ASIC2: variants seen among roughly 807,000 people sequenced by gnomAD.
ASIC2 encodes the protein acid sensing ion channel subunit 2.
In ASIC2, 25 loss-of-function variants were observed where a neutral mutation model predicts 57.3. The ratio of observed to expected loss-of-function variants is 0.44; its 90% CI spans 0.32 to 0.61. ASIC2 has a LOEUF of 0.61. Among genes scored for constraint, ASIC2 ranks in the 20% least tolerant of loss-of-function variants. ASIC2 has a pLI of 0.06. For missense variants in ASIC2, 641 were observed against 738.1 expected (o/e 0.87, Z 1.52); for synonymous variants, 319 against 307.5 (o/e 1.04, Z -0.39).
intron 1 of ASIC2, among the ~76,000 whole-genome samples, chr17:33,895,222 G>A (rs1467629223): frequency 2.0e-5 from 3 of 151,772 alleles, no homozygotes; most frequent in Non-Finnish European, 4.4e-5. Context: ...GGGTGCAGAG[G>A]CACAATCTTG....
intron 1 of ASIC2, among the ~76,000 whole-genome samples, chr17:34,133,768 G>A (rs775226048): frequency 1.1e-4 from 17 of 152,208 alleles, no homozygotes; most frequent in Non-Finnish European, 2.5e-4. Context: ...AAGTGACATA[G>A]GGGTTTTACA....
chr17:33,298,339 C>T (rs1905808488), intron 1 of ASIC2, among the ~76,000 whole-genome samples: 1 of 152,080 alleles, frequency 6.6e-6, no homozygotes, highest in African/African-American at 2.4e-5. Context: ...TGAGTGAGAA[C>T]ATGCGGTGTT....
intron 1 of ASIC2, among the ~76,000 whole-genome samples, chr17:33,878,623 A>G (rs1567743542): frequency 6.6e-6 from 1 of 152,230 alleles, no homozygotes; most frequent in Non-Finnish European, 1.5e-5. Flanking sequence ...GACCAAATCT[A>G]TGTCTGACTG....
At chr17:33,847,131 C>G (rs1053299702) in intron 1 of ASIC2, among the ~76,000 whole-genome samples, 2 of 151,408 alleles carry the variant, frequency 1.3e-5, no homozygotes, top group African/African-American at 2.4e-5. Flanking sequence ...TGCATCTTCT[C>G]TGGAAAACAG....
chr17:33,808,305 G>A (rs1239571669), intron 1 of ASIC2, among the ~76,000 whole-genome samples: 1 of 152,144 alleles, frequency 6.6e-6, no homozygotes, highest in Non-Finnish European at 1.5e-5. Flanking sequence ...TTATATTACT[G>A]TTGCTCCTTT....
chr17:33,751,277 G>T (rs898407094), intron 1 of ASIC2, among the ~76,000 whole-genome samples: 3 of 152,164 alleles, frequency 2.0e-5, no homozygotes, highest in Non-Finnish European at 4.4e-5. Flanking sequence ...ATCTGCAGCC[G>T]CCCTGACACG....
At chr17:33,680,342 G>A (rs1434789129) in intron 1 of ASIC2, among the ~76,000 whole-genome samples, 1 of 152,156 alleles carries the variant, frequency 6.6e-6, no homozygotes, top group African/African-American at 2.4e-5. Context: ...CAGTGAGGGA[G>A]TGTTGACACC....
intron 1 of ASIC2, among the ~76,000 whole-genome samples, chr17:33,509,861 A>G (rs1275600282): frequency 6.6e-6 from 1 of 152,228 alleles, no homozygotes; most frequent in Non-Finnish European, 1.5e-5. Flanking sequence ...GTTCTGCCCT[A>G]GCCTTGCCAT....
At chr17:33,841,614 C>A (rs574523500) in intron 1 of ASIC2, among the ~76,000 whole-genome samples, 1 of 152,192 alleles carries the variant, frequency 6.6e-6, no homozygotes, top group African/African-American at 2.4e-5. Flanking sequence ...AACATACTGT[C>A]CCTTTGGAAG....
intron 1 of ASIC2, among the ~76,000 whole-genome samples, chr17:34,100,816 A>C (rs1379926080): frequency 6.6e-6 from 1 of 151,914 alleles, no homozygotes; most frequent in African/African-American, 2.4e-5. Flanking sequence ...AACCAGAGCT[A>C]CTCCCCACTT....
chr17:33,285,688 T>G (rs1905129711), intron 1 of ASIC2, among the ~76,000 whole-genome samples: 1 of 152,258 alleles, frequency 6.6e-6, no homozygotes. Flanking sequence ...CATGTACCTT[T>G]GCAGTCAGGA....
intron 1 of ASIC2, among the ~76,000 whole-genome samples, chr17:33,216,087 C>T (rs1907474706): frequency 6.6e-6 from 1 of 152,180 alleles, no homozygotes; most frequent in African/African-American, 2.4e-5. Flanking sequence ...AAAATTCAAA[C>T]GTACACTAAA....
intron 1 of ASIC2, among the ~76,000 whole-genome samples, chr17:33,972,517 T>C (rs1366756021): frequency 2.6e-5 from 4 of 152,202 alleles, no homozygotes; most frequent in Admixed American, 2.6e-4. Flanking sequence ...TTTCTGACTA[T>C]ACAGCATGCT....
At chr17:34,147,512 GCT>G (rs757958744) in intron 1 of ASIC2, among the ~76,000 whole-genome samples, 33 of 152,132 alleles carry the variant, frequency 2.2e-4, no homozygotes, top group Non-Finnish European at 4.1e-4. Flanking sequence ...TGATAAACAG[GCT>G]TTTATCAGAG....
At chr17:33,285,650 C>T (rs1462841023) in intron 1 of ASIC2, among the ~76,000 whole-genome samples, 1 of 152,248 alleles carries the variant, frequency 6.6e-6, no homozygotes, top group Middle Eastern at 3.2e-3. Flanking sequence ...TACTGATGGA[C>T]TCCTTCCTCA....
intron 1 of ASIC2, among the ~76,000 whole-genome samples, chr17:33,464,540 CT>C (rs1912781625): frequency 2.0e-5 from 1 of 49,368 alleles, no homozygotes; most frequent in Admixed American, 2.4e-4. Context: ...TTCTTTCTTT[CT>C]CTTTCTTTCT....
chr17:33,157,761 C>T (rs1203822797), intron 1 of ASIC2, among the ~76,000 whole-genome samples: 6 of 152,222 alleles, frequency 3.9e-5, no homozygotes, highest in Non-Finnish European at 8.8e-5. Context: ...TGTGTACTTG[C>T]AGCACAGCAG....
intron 1 of ASIC2, chr17:34,069,944 C>T (rs146359056): frequency 6.6e-6 from 1 of 152,094 alleles, no homozygotes; most frequent in East Asian, 1.9e-4. Flanking sequence ...TGACTCAGTG[C>T]CCAAATTTAT....
At chr17:34,027,154 C>T (rs1907405874) in intron 1 of ASIC2, among the ~76,000 whole-genome samples, 1 of 151,920 alleles carries the variant, frequency 6.6e-6, no homozygotes, top group Non-Finnish European at 1.5e-5. Flanking sequence ...AGTTCAATAC[C>T]CCAAAAAAGT....
Sources: allele counts gnomAD v4.1 joint callset (sites outside exome capture counted in the v4.1 genomes callset), GRCh38; gene constraint gnomAD v4.1.1; transcripts MANE v1.5; gene names NCBI Gene and HGNC (gene_info 2026-07-23, HGNC 2026-07-21).